Variants in SEL1L2 observed in about 807,000 individuals in gnomAD.
The protein encoded by SEL1L2 is SEL1L2 adaptor subunit of SYVN1 ubiquitin ligase.
SEL1L2 carries 89 observed loss-of-function variants against 98.8 expected under a neutral mutation model. The observed-to-expected ratio is 0.90, with a 90% CI of 0.76 to 1.07. SEL1L2 has a LOEUF of 1.07. Among genes scored for constraint, SEL1L2 ranks in the 50% least tolerant of loss-of-function variants. The pLI is 0.00. For missense variants in SEL1L2, 788 were observed against 812.0 expected (o/e 0.97, Z 0.36); for synonymous variants, 262 against 278.5 (o/e 0.94, Z 0.59).
intron 15 of SEL1L2, among the ~76,000 whole-genome samples, chr20:13,866,371 A>G (rs1383482151): frequency 6.6e-6 from 1 of 152,178 alleles, no homozygotes; most frequent in African/African-American, 2.4e-5. Context: ...GTTCCCAAGT[A>G]GCAACTCCCA....
intron 8 of SEL1L2, 76 bp downstream of exon 8, chr20:13,887,693 A>C: frequency 1.1e-6 from 1 of 917,506 alleles, no homozygotes. Context: ...GTTTATATCA[A>C]TTGAACTGTT....
intron 6 of SEL1L2, among the ~76,000 whole-genome samples, 160 bp from the exon 7 acceptor site, chr20:13,888,161 T>A (rs1031219684): frequency 1.3e-5 from 2 of 152,224 alleles, no homozygotes; most frequent in Admixed American, 6.5e-5. Context: ...TAAAGATGTT[T>A]GCCATTTATT....
chr20:13,975,843 CTT>C (rs2051506323), intron 1 of SEL1L2, among the ~76,000 whole-genome samples: 1 of 152,062 alleles, frequency 6.6e-6, no homozygotes, highest in Non-Finnish European at 1.5e-5. Context: ...GGTTGGGAAA[CTT>C]TTGTTTTGTT....
intron 3 of SEL1L2, among the ~76,000 whole-genome samples, chr20:13,930,055 C>T (rs747971856): frequency 6.6e-6 from 1 of 152,208 alleles, no homozygotes; most frequent in Non-Finnish European, 1.5e-5. Context: ...CTTCCTGAAG[C>T]GCTTGGATGA....
chr20:13,856,405 C>T (rs1989169976), intron 18 of SEL1L2, among the ~76,000 whole-genome samples: 1 of 152,206 alleles, frequency 6.6e-6, no homozygotes, highest in Non-Finnish European at 1.5e-5. Context: ...GCTGGGATCA[C>T]AGGCGTGAGC....
chr20:13,927,756 A>G (rs1210824501), intron 3 of SEL1L2, among the ~76,000 whole-genome samples: 1 of 152,210 alleles, frequency 6.6e-6, no homozygotes, highest in Non-Finnish European at 1.5e-5. Flanking sequence ...ATAGAGTTCA[A>G]TAAGGTTCTG....
At chr20:13,969,917 G>C (rs2051207302) in intron 1 of SEL1L2, among the ~76,000 whole-genome samples, 1 of 151,880 alleles carries the variant, frequency 6.6e-6, no homozygotes, top group Non-Finnish European at 1.5e-5. Context: ...ATCCGTTCTT[G>C]GTACATCTTC....
chr20:13,981,959 G>A (rs1244796178), intron 1 of SEL1L2, among the ~76,000 whole-genome samples: 1 of 152,148 alleles, frequency 6.6e-6, no homozygotes, highest in East Asian at 1.9e-4. Context: ...TACTGCTTAG[G>A]CTGCAGCTCC....
chr20:13,911,985 C>A (rs1017125284), intron 5 of SEL1L2, among the ~76,000 whole-genome samples: 2 of 152,152 alleles, frequency 1.3e-5, no homozygotes, highest in African/African-American at 4.8e-5. Context: ...TTTTAATCCT[C>A]ACAATAACTC....
intron 3 of SEL1L2, among the ~76,000 whole-genome samples, chr20:13,928,715 T>C (rs1600789631): frequency 6.6e-6 from 1 of 152,204 alleles, no homozygotes; most frequent in African/African-American, 2.4e-5. Flanking sequence ...GAATAGCTAA[T>C]GAATTCGTTA....
intron 1 of SEL1L2, among the ~76,000 whole-genome samples, chr20:13,983,047 A>AAAAAAAAAAAAAAAAAAAAAAAAAAAAAC (rs1569086282): frequency 6.9e-6 from 1 of 144,298 alleles, no homozygotes. Flanking sequence ...AAAAAAAAAA[A>AAAAAAAAAAAAAAAAAAAAAAAAAAAAAC]AGCAGCAGCC....
At chr20:13,984,362 A>T (rs2148566967) in intron 1 of SEL1L2, among the ~76,000 whole-genome samples, 1 of 152,328 alleles carries the variant, frequency 6.6e-6, no homozygotes, top group South Asian at 2.1e-4. Flanking sequence ...TCCTGGAAAC[A>T]TAAAAATTCT....
At chr20:13,939,472 C>T (rs1200686890) in intron 2 of SEL1L2, among the ~76,000 whole-genome samples, 3 of 152,096 alleles carry the variant, frequency 2.0e-5, no homozygotes, top group Non-Finnish European at 4.4e-5. Flanking sequence ...TTTAGCATAT[C>T]CTAGGCCCCT....
chr20:13,856,799 A>T (rs1411093496), intron 18 of SEL1L2, among the ~76,000 whole-genome samples: 1 of 152,172 alleles, frequency 6.6e-6, no homozygotes, highest in East Asian at 1.9e-4. Context: ...ATTCCATATC[A>T]CCTTCTTTGA....
chr20:13,986,844 T>A (rs1157105084), intron 1 of SEL1L2, among the ~76,000 whole-genome samples: 2 of 152,224 alleles, frequency 1.3e-5, no homozygotes, highest in East Asian at 3.9e-4. Context: ...TTACTTTTTA[T>A]TTTTTTGAGA....
chr20:13,980,468 AG>A (rs1319127734), intron 1 of SEL1L2, among the ~76,000 whole-genome samples: 1 of 152,166 alleles, frequency 6.6e-6, no homozygotes, highest in Non-Finnish European at 1.5e-5. Context: ...TCGGCCTCCC[AG>A]AGTGCTGGGA....
chr20:13,889,510 G>C (rs932234187), intron 5 of SEL1L2, among the ~76,000 whole-genome samples: 4 of 151,968 alleles, frequency 2.6e-5, no homozygotes, highest in Non-Finnish European at 5.9e-5. Flanking sequence ...AAAACATTTA[G>C]GCTGGGTGCG....
Position 13,869,601 on chromosome 20 carries a change from A to G in SEL1L2, c.1168-11T>C. 6.2e-7 allele frequency: 1 copy of G among 1,600,276 alleles called. No homozygotes were observed. The highest frequency in any genetic ancestry group is 8.6e-7 in the Non-Finnish European group (1 of 1,167,402). On this transcript the variant is annotated splice_polypyrimidine_tract_variant and intron_variant, in intron 13 of 19. Transcript: ENST00000284951. ...TGCTTCGGCATAATTCTGCAAGATA[A>G]TTACACTCTATTACTCAAAGGCACA...
intron 2 of SEL1L2, among the ~76,000 whole-genome samples, chr20:13,935,630 G>C (rs1467027049): frequency 1.3e-5 from 2 of 152,180 alleles, no homozygotes; most frequent in Non-Finnish European, 2.9e-5. Flanking sequence ...GAGTGAGTGG[G>C]GTGGGGAGAG....
Sources: allele counts gnomAD v4.1 joint callset (sites outside exome capture counted in the v4.1 genomes callset), GRCh38; gene constraint gnomAD v4.1.1; transcripts MANE v1.5; gene names NCBI Gene and HGNC (gene_info 2026-07-23, HGNC 2026-07-21).